LINGO2: variants seen among roughly 807,000 people sequenced by gnomAD.
LINGO2 encodes the protein leucine rich repeat and Ig domain containing 2.
LINGO2 carries 14 observed loss-of-function variants against 30.6 expected under a neutral mutation model. The ratio of observed to expected loss-of-function variants is 0.46; its 90% CI spans 0.30 to 0.72. The LOEUF (loss-of-function observed/expected upper bound fraction) is 0.72, where lower values mean the gene tolerates loss of function less well. Ranked by LOEUF, LINGO2 falls within the 30% of genes least tolerant of loss-of-function variation. The probability of loss-of-function intolerance (pLI) is 0.07; values close to 1 mark genes in which losing one functional copy is unlikely to be tolerated. For missense variants in LINGO2, 729 were observed against 751.7 expected, an observed-to-expected ratio of 0.97 and a Z score of 0.35; for synonymous variants, 317 against 288.5, an observed-to-expected ratio of 1.10 and a Z score of -1.00.
chr9:28,532,265 A>C (rs1821263016), intron 1 of LINGO2, among the ~76,000 whole-genome samples: 1 of 152,164 alleles, frequency 6.6e-6, no homozygotes, highest in African/African-American at 2.4e-5. Context: ...AAATCTAGGA[A>C]AGAAAAAAGA....
the LINGO2 span, among the ~76,000 whole-genome samples, chr9:28,984,155 G>A: frequency 6.6e-6 from 1 of 152,044 alleles, no homozygotes; most frequent in Non-Finnish European, 1.5e-5. Context: ...TACATAAAAT[G>A]TCAAAATGTT....
chr9:28,379,512 A>G (rs1430412774), intron 2 of LINGO2, among the ~76,000 whole-genome samples: 1 of 152,112 alleles, frequency 6.6e-6, no homozygotes, highest in Admixed American at 6.6e-5. Flanking sequence ...TACAAGTTAA[A>G]TTTCGAGTAC....
intron 4 of LINGO2, among the ~76,000 whole-genome samples, chr9:28,162,447 T>G: frequency 6.6e-6 from 1 of 152,078 alleles, no homozygotes; most frequent in East Asian, 1.9e-4. Context: ...TTGCACTAGA[T>G]CAGTCAACTA....
At chr9:28,239,687 T>C (rs1489514218) in intron 4 of LINGO2, among the ~76,000 whole-genome samples, 1 of 152,090 alleles carries the variant, frequency 6.6e-6, no homozygotes, top group Non-Finnish European at 1.5e-5. Context: ...ATACAGAATA[T>C]GAAAACACTA....
chr9:29,159,533 G>A, the LINGO2 span, among the ~76,000 whole-genome samples: 2 of 152,274 alleles, frequency 1.3e-5, no homozygotes, highest in South Asian at 4.1e-4. Context: ...ACAAGCTGAT[G>A]TGATAAATTA....
intron 1 of LINGO2, among the ~76,000 whole-genome samples, chr9:28,492,060 G>A (rs1303812913): frequency 6.6e-6 from 1 of 152,192 alleles, no homozygotes; most frequent in African/African-American, 2.4e-5. Flanking sequence ...ATTGTATGGG[G>A]CACTTAGTGT....
chr9:28,123,347 T>C (rs1827150919), intron 4 of LINGO2, among the ~76,000 whole-genome samples: 1 of 152,186 alleles, frequency 6.6e-6, no homozygotes, highest in South Asian at 2.1e-4. Context: ...ATGTGAAAGG[T>C]AGGAGCAATC....
At chr9:29,023,428 T>C in the LINGO2 span, among the ~76,000 whole-genome samples, 38 of 152,252 alleles carry the variant, frequency 2.5e-4, 1 homozygote, top group South Asian at 7.7e-3. Context: ...TTAAAAATTA[T>C]CTTTCCATTT....
chr9:28,600,040 A>C (rs914398267), intron 1 of LINGO2, among the ~76,000 whole-genome samples: 2 of 152,170 alleles, frequency 1.3e-5, no homozygotes, highest in Non-Finnish European at 2.9e-5. Context: ...AATATTCTAC[A>C]ATAATAAAGT....
intron 1 of LINGO2, among the ~76,000 whole-genome samples, chr9:28,652,212 G>A (rs1454018559): frequency 1.3e-5 from 2 of 151,858 alleles, no homozygotes; most frequent in South Asian, 2.1e-4. Context: ...TTAACAATAG[G>A]CTAATTTATT....
the LINGO2 span, among the ~76,000 whole-genome samples, chr9:28,913,522 C>A: frequency 3.3e-5 from 5 of 151,952 alleles, no homozygotes; most frequent in Middle Eastern, 3.2e-3. Flanking sequence ...AGGATTCAAA[C>A]CCTTAAAATG....
At chr9:28,310,006 A>T (rs529582915) in intron 3 of LINGO2, among the ~76,000 whole-genome samples, 172 of 152,140 alleles carry the variant, frequency 1.1e-3, no homozygotes, top group Non-Finnish European at 1.9e-3. Context: ...TATCTTACCA[A>T]GTGTTGGCAA....
At chr9:29,186,445 T>C in the LINGO2 span, among the ~76,000 whole-genome samples, 1 of 152,110 alleles carries the variant, frequency 6.6e-6, no homozygotes, top group Non-Finnish European at 1.5e-5. Flanking sequence ...ATAAACACGC[T>C]GAAACTTAAC....
the LINGO2 span, among the ~76,000 whole-genome samples, chr9:28,753,874 C>T: frequency 1.3e-5 from 2 of 151,898 alleles, no homozygotes; most frequent in Admixed American, 6.6e-5. Flanking sequence ...GCACCTAGCA[C>T]TTAATAAATA....
chr9:28,181,985 A>G (rs1819360819), intron 4 of LINGO2, among the ~76,000 whole-genome samples: 1 of 152,166 alleles, frequency 6.6e-6, no homozygotes, highest in African/African-American at 2.4e-5. Context: ...TATGGAATCA[A>G]AGTAGACCCT....
At chr9:28,105,549 G>C (rs1468546661) in intron 4 of LINGO2, among the ~76,000 whole-genome samples, 1 of 152,122 alleles carries the variant, frequency 6.6e-6, no homozygotes, top group African/African-American at 2.4e-5. Flanking sequence ...ATAAAATGAA[G>C]TGCTATGGAC....
chr9:28,565,901 T>C (rs1823356530), intron 1 of LINGO2, among the ~76,000 whole-genome samples: 1 of 152,138 alleles, frequency 6.6e-6, no homozygotes, highest in South Asian at 2.1e-4. Flanking sequence ...AAAGGCTATA[T>C]AGCTTTGTCT....
chr9:28,420,732 T>G (rs1823162061), intron 2 of LINGO2, among the ~76,000 whole-genome samples: 1 of 152,054 alleles, frequency 6.6e-6, no homozygotes, highest in South Asian at 2.1e-4. Flanking sequence ...TCAGAAAATT[T>G]TTACCATCAC....
At chr9:28,531,065 A>ATATATATAAT (rs202207606) in intron 1 of LINGO2, among the ~76,000 whole-genome samples, 2 of 147,130 alleles carry the variant, frequency 1.4e-5, no homozygotes, top group African/African-American at 5.0e-5. Context: ...ATATATATAT[A>ATATATATAAT]ATATATAAAA....
Sources: allele counts gnomAD v4.1 joint callset (sites outside exome capture counted in the v4.1 genomes callset), GRCh38; gene constraint gnomAD v4.1.1; transcripts MANE v1.5; gene names NCBI Gene and HGNC (gene_info 2026-07-23, HGNC 2026-07-21).